The following KDM3B variants were observed in gnomAD, a reference collection of about 807,000 sequenced individuals.
KDM3B encodes lysine demethylase 3B.
A neutral mutation model predicts 170.0 loss-of-function variants in KDM3B; 10 were observed. The ratio of observed to expected loss-of-function variants is 0.06; its 90% CI spans 0.04 to 0.10. The LOEUF (loss-of-function observed/expected upper bound fraction) is 0.10, where lower values mean the gene tolerates loss of function less well. Among genes scored for constraint, KDM3B ranks in the 10% least tolerant of loss-of-function variants. KDM3B has a pLI of 1.00. For missense variants in KDM3B, 1,394 were observed against 2,195.2 expected (o/e 0.64, Z 7.29); for synonymous variants, 831 against 834.8 (o/e 1.00, Z 0.08).
At chr5:138,355,436 G>A (rs1385531597) in intron 1 of KDM3B, among the ~76,000 whole-genome samples, 1 of 152,084 alleles carries the variant, frequency 6.6e-6, no homozygotes. Flanking sequence ...CTTAAGGTGA[G>A]ATGTGAAAAA....
chr5:138,353,957 T>C (rs1314286005), intron 1 of KDM3B, among the ~76,000 whole-genome samples: 3 of 152,104 alleles, frequency 2.0e-5, no homozygotes, highest in African/African-American at 4.8e-5. Context: ...AAAAATGGTG[T>C]GTGTGCGTGT....
chr5:138,371,895 T>C (rs1761883715), intron 1 of KDM3B, among the ~76,000 whole-genome samples: 2 of 152,118 alleles, frequency 1.3e-5, no homozygotes, highest in African/African-American at 4.8e-5. Flanking sequence ...GTCTGAGGTG[T>C]ACAGATCCCT....
At chr5:138,408,414 G>C (rs1352771381) in intron 11 of KDM3B, among the ~76,000 whole-genome samples, 7 of 144,132 alleles carry the variant, frequency 4.9e-5, no homozygotes, top group Admixed American at 3.5e-4. Context: ...GAAAGAAATT[G>C]AATTTGTAGT....
In KDM3B at chr5:138,352,974, C is replaced by T. The variant is rs1446524633; in HGVS notation, c.179C>T (p.Pro60Leu). 7 of 1,246,222 alleles carry T rather than the reference C, an allele frequency of 5.6e-6. No homozygotes were observed. The highest frequency in any genetic ancestry group is 7.0e-6 in the Non-Finnish European group (7 of 996,972). The allele number at this position is 1,246,222 out of a possible 1,614,324, so 77.2% of individuals were successfully genotyped here. Residue 60 changes from proline to leucine, a missense_variant, in exon 1 of 24, where the codon CCC (proline) becomes CTC (leucine). Physicochemically the swap from Pro to Leu is moderately conservative, Grantham distance 98. Around this residue, in one of 19 missense-constraint regions of KDM3B, gnomAD observed 99 missense variants for 97.5 expected, o/e 1.02. Coordinates refer to ENST00000314358, the MANE Select transcript of KDM3B (RefSeq NM_016604.4). The stretch of plus-strand genomic sequence containing the variant: ...GTGCGGGCCATGAGCGGGGCGGTGC[C>T]CCAGGACCTAGCGGTGAGTGGCGGC... The part of the protein sequence containing the change: ...GTVRAMSGAV[P>L]QDLAIFVEFD...
chr5:138,405,810 A>T, intron 11 of KDM3B, among the ~76,000 whole-genome samples: 1 of 152,238 alleles, frequency 6.6e-6, no homozygotes, highest in African/African-American at 2.4e-5. Context: ...CAAATATATA[A>T]TAGCAGCACA....
At chr5:138,372,229 AAAGTTCACAGTC>A (rs1330915157) in intron 1 of KDM3B, among the ~76,000 whole-genome samples, 7 of 152,224 alleles carry the variant, frequency 4.6e-5, no homozygotes, top group Non-Finnish European at 8.8e-5. Context: ...AAAATAATTA[AAAGTTCACAGTC>A]ATTTCAATAG....
At position 138,391,142 on chromosome 5, in the gene KDM3B, G is replaced by A. The variant is rs767769912; in HGVS notation, c.1510G>A (p.Gly504Ser). The A allele has an allele frequency of 2.5e-6, 4 of 1,613,976 alleles. No individual in the cohort carries two copies. The East Asian group carries it at 8.9e-5, about 36-fold the overall frequency. Residue 504 changes from glycine (G) to serine (S), a missense_variant, in exon 8 of 24, where the codon GGC becomes AGC. Physicochemically the swap from Gly to Ser is moderately conservative, Grantham distance 56 (BLOSUM62 0). This residue lies in a region of KDM3B where 294 missense variants were observed against 311.7 expected (regional missense o/e 0.94). Coordinates refer to ENST00000314358, the MANE Select transcript of KDM3B (RefSeq NM_016604.4). The surrounding 1 kb of genome is among the most constrained non-coding windows in gnomAD (Gnocchi z 5.0). Reference sequence around the variant, plus strand: ...TCTAGCCACAGAGAACAAACCTTTGGGCTTCTCTTTTGGCTGTAGCTCTGC... The same window carrying A: ...TCTAGCCACAGAGAACAAACCTTTGAGCTTCTCTTTTGGCTGTAGCTCTGC... ...GVLATENKPL[G>S]FSFGCSSAQE...
chr5:138,408,077 C>A (rs576002288), intron 11 of KDM3B, among the ~76,000 whole-genome samples: 1 of 152,174 alleles, frequency 6.6e-6, no homozygotes, highest in Non-Finnish European at 1.5e-5. Context: ...ATCTTCCCTT[C>A]GCTTTGTCAA....
chr5:138,372,495 C>T (rs2126922435), intron 1 of KDM3B, among the ~76,000 whole-genome samples, 179 bp from the exon 2 acceptor site: 1 of 152,330 alleles, frequency 6.6e-6, no homozygotes, highest in South Asian at 2.1e-4. Flanking sequence ...CAGAATGTGG[C>T]TGAGACCAGC....
rs1761692222 is a variant in KDM3B at position 138,364,396 on chromosome 5, G to A, written c.193-8278G>A. 2.0e-5 allele frequency among the ~76,000 whole-genome samples: 3 copies of A among 152,000 alleles called. No individual in the cohort carries two copies. The South Asian group carries it at 6.2e-4, about 31-fold the overall frequency. ...TATGAACGTAATTTTTTTTGGCTGA[G>A]TAATTTAACTCTTCTCTTTTCGTTG... On this transcript the variant is annotated intron_variant, in intron 1 of 23. Coordinates refer to ENST00000314358, the MANE Select transcript of KDM3B (RefSeq NM_016604.4).
rs1763670967 is a variant in KDM3B, at chr5:138,436,258, C to G, written c.*558C>G. The G allele has an allele frequency of 6.6e-6, 1 of 152,288 alleles. No homozygotes were observed. The allele number at this position is 152,288 out of a possible 1,614,324, so 9.4% of individuals were successfully genotyped here. A position where few individuals can be genotyped will look rare whatever the true frequency, so the allele number is the denominator to read the frequency against. ...GACCCAGGGAGAACCCACTGCTTTT[C>G]CCAGGAGGCTCCAGGATTAGGAAAT... is the stretch of plus-strand genomic sequence containing the variant. On this transcript the variant is annotated 3_prime_UTR_variant, in exon 24 of 24. Coordinates refer to ENST00000314358, the MANE Select transcript of KDM3B (RefSeq NM_016604.4).
At chr5:138,428,215 T>TG in intron 20 of KDM3B, 129 bp downstream of exon 20, 3 of 1,022,190 alleles carry the variant, frequency 2.9e-6, no homozygotes, top group South Asian at 1.7e-5. Context: ...GTTTTTTTTT[T>TG]TGGGGGGCGG....
intron 1 of KDM3B, among the ~76,000 whole-genome samples, chr5:138,362,605 G>A (rs1001577419): frequency 2.0e-5 from 3 of 150,480 alleles, no homozygotes; most frequent in African/African-American, 7.4e-5. Context: ...TAAGTGAATA[G>A]TGTACGTGGT....
intron 1 of KDM3B, 32 bp downstream of exon 1, chr5:138,353,019 C>T: frequency 2.1e-6 from 2 of 963,064 alleles, no homozygotes; most frequent in Non-Finnish European, 2.4e-6. Context: ...CACTCGAGGC[C>T]GGGGCTGCGG....
chr5:138,418,078 T>TG (rs1487294834), intron 13 of KDM3B: 1 of 146,120 alleles, frequency 6.8e-6, no homozygotes, highest in Non-Finnish European at 1.5e-5. Context: ...GGTTTTGGTT[T>TG]TTTTTTTTTT....
At chr5:138,424,010 A>G in intron 15 of KDM3B, 65 bp from the exon 16 acceptor site, 1 of 1,464,424 alleles carries the variant, frequency 6.8e-7, no homozygotes, top group Non-Finnish European at 9.1e-7. Context: ...ATTGTGAGAC[A>G]GTTTTTTGAA....
At chr5:138,374,142 C>T (rs1004040664) in intron 2 of KDM3B, among the ~76,000 whole-genome samples, 2 of 151,910 alleles carry the variant, frequency 1.3e-5, no homozygotes, top group African/African-American at 2.4e-5. Context: ...TACAGGCATG[C>T]GCCACCATGC....
At chr5:138,379,779 C>T in intron 5 of KDM3B, 71 bp downstream of exon 5, 1 of 1,424,608 alleles carries the variant, frequency 7.0e-7, no homozygotes, top group Non-Finnish European at 9.5e-7. Context: ...TAGGCGAGCA[C>T]TTCATTATGT....
intron 1 of KDM3B, among the ~76,000 whole-genome samples, chr5:138,355,259 G>T (rs1307872415): frequency 1.3e-5 from 2 of 151,792 alleles, no homozygotes; most frequent in African/African-American, 2.4e-5. Context: ...AGTAATTGAG[G>T]GTTGGATGAA....
Sources: allele counts gnomAD v4.1 joint callset (sites outside exome capture counted in the v4.1 genomes callset), GRCh38; gene constraint gnomAD v4.1.1; regional missense constraint gnomAD v4.1.1; non-coding constraint Gnocchi (gnomAD v3.1); transcripts MANE v1.5; gene names NCBI Gene and HGNC (gene_info 2026-07-23, HGNC 2026-07-21).